Variants in LDLRAD4 observed in about 807,000 individuals in gnomAD.
The protein encoded by LDLRAD4 is low-density lipoprotein receptor class A domain-containing protein 4.
In LDLRAD4, 5 loss-of-function variants were observed where a neutral mutation model predicts 17.0. The observed-to-expected ratio is 0.29, with a 90% CI of 0.15 to 0.62. The LOEUF is 0.62. Among genes scored for constraint, LDLRAD4 ranks in the 20% least tolerant of loss-of-function variants. The probability of loss-of-function intolerance (pLI) is 0.84; values close to 1 mark genes in which losing one functional copy is unlikely to be tolerated. For missense variants in LDLRAD4, 340 were observed against 424.7 expected, an observed-to-expected ratio of 0.80 and a Z score of 1.75; for synonymous variants, 168 against 171.8, an observed-to-expected ratio of 0.98 and a Z score of 0.17.
At chr18:13,322,649 G>A (rs1339288570) in intron 1 of LDLRAD4, among the ~76,000 whole-genome samples, 27 of 150,958 alleles carry the variant, frequency 1.8e-4, no homozygotes, top group African/African-American at 2.0e-4. Context: ...ACGGAGTATC[G>A]CTCTGTCACC....
chr18:13,527,896 G>A (rs573645678), intron 3 of LDLRAD4, among the ~76,000 whole-genome samples: 12 of 152,210 alleles, frequency 7.9e-5, no homozygotes, highest in African/African-American at 2.9e-4. Context: ...TGCTTCCCTC[G>A]CCATGGACAC....
intron 3 of LDLRAD4, among the ~76,000 whole-genome samples, chr18:13,441,879 T>TCTCA (rs1220784426): frequency 3.3e-5 from 5 of 152,208 alleles, no homozygotes; most frequent in Non-Finnish European, 7.4e-5. Flanking sequence ...GGACCGAGGC[T>TCTCA]GCTTTATTCT....
At chr18:13,524,728 G>A (rs913777457) in intron 3 of LDLRAD4, among the ~76,000 whole-genome samples, 18 of 152,206 alleles carry the variant, frequency 1.2e-4, no homozygotes, top group Admixed American at 3.3e-4. Context: ...TGAACTGTGC[G>A]TATTTCAGCT....
chr18:13,477,256 G>A (rs570533793), intron 3 of LDLRAD4, among the ~76,000 whole-genome samples: 3 of 152,260 alleles, frequency 2.0e-5, no homozygotes, highest in East Asian at 3.9e-4. Context: ...CTGGGGCCCC[G>A]ACCTTCCTGG....
At chr18:13,249,938 A>AG (rs781767697) in intron 1 of LDLRAD4, among the ~76,000 whole-genome samples, 1 of 152,178 alleles carries the variant, frequency 6.6e-6, no homozygotes, top group Non-Finnish European at 1.5e-5. Flanking sequence ...GGTGACAGGT[A>AG]GGGGTCTAGT....
At chr18:13,540,463 T>C (rs2094262424) in intron 3 of LDLRAD4, among the ~76,000 whole-genome samples, 1 of 150,092 alleles carries the variant, frequency 6.7e-6, no homozygotes, top group African/African-American at 2.5e-5. Flanking sequence ...CTATATAACC[T>C]TTTTTTCTTC....
In LDLRAD4 at chr18:13,362,774, G is replaced by C. The variant is rs544087193; in HGVS notation, c.-382-24567G>C. On this transcript the variant is annotated intron_variant, in intron 1 of 5. Transcript: ENST00000359446. ...GAGTAAGAGTTAGTCTTTGGGTTGT[G>C]GGCAGGAAGGATCCTTCTGACTCTA... 2.0e-5 allele frequency among the ~76,000 whole-genome samples: 3 copies of C among 152,330 alleles called. No individual in the cohort carries two copies. In the South Asian group the frequency reaches 6.2e-4, roughly 32 times the overall value.
rs141981215 is a variant in LDLRAD4 at position 13,371,138 on chromosome 18, C to A, written c.-382-16203C>A. Among the ~76,000 whole-genome samples the A allele has an allele frequency of 1.2e-3, 186 of 152,300 alleles. 1 individual carries two copies. The East Asian group carries it at 0.031, about 25-fold the overall frequency. Reference sequence around the variant, plus strand: ...CCGGTGGGCAATGCGCCCACCAATGCGGTGGGAGGCTGAGGGAAGACTCTC... The same window carrying A: ...CCGGTGGGCAATGCGCCCACCAATGAGGTGGGAGGCTGAGGGAAGACTCTC... On this transcript the variant is annotated intron_variant, in intron 1 of 5. Coordinates refer to ENST00000359446, the Ensembl canonical transcript of LDLRAD4.
chr18:13,320,356 C>G (rs1263799733), intron 1 of LDLRAD4, among the ~76,000 whole-genome samples: 1 of 152,202 alleles, frequency 6.6e-6, no homozygotes. Context: ...TCCGCTGCCT[C>G]TCATCTAGGA....
intron 3 of LDLRAD4, among the ~76,000 whole-genome samples, chr18:13,513,777 G>A (rs1222544753): frequency 6.6e-6 from 1 of 152,214 alleles, no homozygotes; most frequent in Non-Finnish European, 1.5e-5. Context: ...AGTGTATAAG[G>A]TGGGTCCTAC....
At chr18:13,397,050 G>A (rs1186358841) in intron 2 of LDLRAD4, among the ~76,000 whole-genome samples, 1 of 152,252 alleles carries the variant, frequency 6.6e-6, no homozygotes, top group African/African-American at 2.4e-5. Context: ...TTTCACACGA[G>A]GGTTCTGTCC....
At chr18:13,601,878 C>T (rs1346095541) in intron 3 of LDLRAD4, among the ~76,000 whole-genome samples, 1 of 152,110 alleles carries the variant, frequency 6.6e-6, no homozygotes, top group Non-Finnish European at 1.5e-5. Context: ...TATTGTAGCA[C>T]TTGTTCACAA....
chr18:13,539,407 G>A (rs935330365), intron 3 of LDLRAD4, among the ~76,000 whole-genome samples: 13 of 152,190 alleles, frequency 8.5e-5, no homozygotes, highest in African/African-American at 2.9e-4. Flanking sequence ...GTTCAAGGGA[G>A]GAACCAGAGC....
At chr18:13,553,361 C>G (rs902970597) in intron 3 of LDLRAD4, among the ~76,000 whole-genome samples, 3 of 152,160 alleles carry the variant, frequency 2.0e-5, no homozygotes, top group African/African-American at 7.2e-5. Context: ...GGTGTCTAGA[C>G]ACTGGTTATA....
At chr18:13,332,761 G>A (rs539854153) in intron 1 of LDLRAD4, among the ~76,000 whole-genome samples, 2 of 148,658 alleles carry the variant, frequency 1.3e-5, no homozygotes, top group South Asian at 4.2e-4. Flanking sequence ...TTTTTTGGTG[G>A]TGAATAACAT....
At chr18:13,464,057 T>C (rs1043472012) in intron 3 of LDLRAD4, among the ~76,000 whole-genome samples, 1 of 152,216 alleles carries the variant, frequency 6.6e-6, no homozygotes, top group African/African-American at 2.4e-5. Flanking sequence ...AATATGGCTA[T>C]TTCTCCCAAT....
intron 2 of LDLRAD4, among the ~76,000 whole-genome samples, chr18:13,402,045 C>CGTAT (rs2087266321): frequency 6.6e-6 from 1 of 152,230 alleles, no homozygotes; most frequent in South Asian, 2.1e-4. Flanking sequence ...CTTTCATCTG[C>CGTAT]CATACTTTGT....
intron 1 of LDLRAD4, among the ~76,000 whole-genome samples, chr18:13,221,299 CCTCT>C (rs773402453): frequency 7.2e-5 from 11 of 152,126 alleles, no homozygotes; most frequent in Non-Finnish European, 1.3e-4. Context: ...TTTCTTCCTT[CCTCT>C]CTGTCTCCTT....
intron 1 of LDLRAD4, among the ~76,000 whole-genome samples, chr18:13,223,992 T>C (rs539325841): frequency 6.6e-6 from 1 of 152,336 alleles, no homozygotes; most frequent in South Asian, 2.1e-4. Flanking sequence ...TGCCATTCTC[T>C]TCTTGTCCCC....
Sources: allele counts gnomAD v4.1 joint callset (sites outside exome capture counted in the v4.1 genomes callset), GRCh38; gene constraint gnomAD v4.1.1; transcripts MANE v1.5; gene names NCBI Gene and HGNC (gene_info 2026-07-23, HGNC 2026-07-21).